SFXN5: variants seen among roughly 807,000 people sequenced by gnomAD.
SFXN5 encodes sideroflexin-5.
SFXN5 carries 43 observed loss-of-function variants against 50.2 expected under a neutral mutation model. The ratio of observed to expected loss-of-function variants is 0.86; its 90% CI spans 0.67 to 1.11. The LOEUF (loss-of-function observed/expected upper bound fraction) is 1.11. SFXN5 is among the 50% of genes least tolerant of loss of function. SFXN5 has a pLI of 0.00. For synonymous variants in SFXN5, 203 were observed against 185.8 expected (o/e 1.09, Z -0.75); for missense variants, 463 against 454.1 (o/e 1.02, Z -0.18).
At chr2:73,030,560 T>C (rs185905888) in intron 3 of SFXN5, among the ~76,000 whole-genome samples, 252 of 152,240 alleles carry the variant, frequency 1.7e-3, no homozygotes, top group Non-Finnish European at 3.0e-3. Flanking sequence ...TACATTCAAA[T>C]CGTGGGCAGC....
At chr2:72,999,313 G>T (rs1353259397) in intron 8 of SFXN5, among the ~76,000 whole-genome samples, 3 of 152,072 alleles carry the variant, frequency 2.0e-5, no homozygotes, top group African/African-American at 7.2e-5. Flanking sequence ...GGCTAACATG[G>T]ACCATTGAAG....
chr2:73,070,331 G>A (rs1025155008), intron 1 of SFXN5: 2 of 152,064 alleles, frequency 1.3e-5, no homozygotes, highest in Non-Finnish European at 2.9e-5. Flanking sequence ...AAACACTGGG[G>A]ACATTTTTTT....
At chr2:72,991,246 G>C (rs1386425459) in intron 9 of SFXN5, among the ~76,000 whole-genome samples, 2 of 152,256 alleles carry the variant, frequency 1.3e-5, no homozygotes, top group Non-Finnish European at 2.9e-5. Context: ...TAGGGAGGAA[G>C]AACGAAGAGA....
chr2:72,988,168 G>T, intron 10 of SFXN5, 90 bp downstream of exon 10: 1 of 1,184,310 alleles, frequency 8.4e-7, no homozygotes, highest in African/African-American at 1.5e-5. Context: ...GGCATCAGGA[G>T]AGGTGTGGAA....
intron 1 of SFXN5, chr2:73,059,653 T>C: frequency 1.1e-6 from 1 of 897,450 alleles, no homozygotes; most frequent in Non-Finnish European, 1.3e-6. Context: ...CTCTAACCCC[T>C]AATGCCACCC....
intron 10 of SFXN5, among the ~76,000 whole-genome samples, chr2:72,971,934 C>G (rs1276681387): frequency 6.6e-6 from 1 of 152,182 alleles, no homozygotes; most frequent in Non-Finnish European, 1.5e-5. Flanking sequence ...GTTCTGGCCT[C>G]AGAGAGCGGC....
At chr2:73,032,150 G>A (rs952029133) in intron 3 of SFXN5, among the ~76,000 whole-genome samples, 3 of 152,216 alleles carry the variant, frequency 2.0e-5, no homozygotes, top group Non-Finnish European at 4.4e-5. Context: ...GCAAACAGGT[G>A]ATGGGGGAGG....
intron 2 of SFXN5, among the ~76,000 whole-genome samples, chr2:73,047,485 C>A (rs1680658639): frequency 6.7e-6 from 1 of 150,324 alleles, no homozygotes; most frequent in African/African-American, 2.5e-5. Flanking sequence ...CAAAATCTCA[C>A]CCTAAATTAT....
chr2:72,996,156 G>A (rs1230304677), intron 9 of SFXN5, among the ~76,000 whole-genome samples: 1 of 152,210 alleles, frequency 6.6e-6, no homozygotes, highest in Non-Finnish European at 1.5e-5. Flanking sequence ...TGTGAGTGGG[G>A]AGGACAGGAG....
In SFXN5 at chr2:73,000,520, G is replaced by C. The variant is rs1673774754; in HGVS notation, c.412-33C>G. 3 of 1,550,672 alleles carry C rather than the reference G, an allele frequency of 1.9e-6. No homozygotes were observed. The Admixed American group carries it at 5.9e-5, about 30-fold the overall frequency. On this transcript the variant is annotated intron_variant, in intron 7 of 13. Transcript: ENST00000272433. The stretch of plus-strand genomic sequence containing the variant: ...GCAATGATGAGAGAAGTCAGGGAAG[G>C]AGTGGTCACCTCCCTGGAAGCCAGG...
In SFXN5 at chr2:72,988,298, G is replaced by T. The variant is rs763750596; in HGVS notation, c.585C>A (p.Thr195=). The T allele has an allele frequency of 6.2e-6, 10 of 1,613,898 alleles. No individual in the cohort carries two copies. The Admixed American group carries it at 1.7e-4, about 27-fold the overall frequency. The change falls in exon 10 of 14, where the codon ACC becomes ACA. Residue 195 remains threonine, a synonymous_variant. Coordinates refer to ENST00000272433, the MANE Select transcript of SFXN5 (RefSeq NM_144579.3). ...VQKANKFTPA[T]RLLIQRFVPF... Reference sequence around the variant, plus strand: ...GCACAAACCTCTGGATGAGAAGGCGGGTGGCTGGGGTGAACTTGTTGGCTT... The same window carrying T: ...GCACAAACCTCTGGATGAGAAGGCGTGTGGCTGGGGTGAACTTGTTGGCTT...
intron 3 of SFXN5, among the ~76,000 whole-genome samples, chr2:73,025,361 C>G (rs1183317881): frequency 6.6e-6 from 1 of 152,152 alleles, no homozygotes; most frequent in Non-Finnish European, 1.5e-5. Context: ...CAGGCAGGAA[C>G]TGGCTTTTCA....
chr2:72,971,697 G>GAT lies in SFXN5; in HGVS notation c.626-13_626-12insAT. 2 of 1,602,802 alleles carry GAT rather than the reference G, an allele frequency of 1.2e-6. No individual in the cohort carries two copies. Among genetic ancestry groups the GAT allele is most frequent in the Non-Finnish European group, 1.7e-6 (2 of 1,169,898 alleles). ...GATATTGGCACTGGCTGCAGAGAGA[G>GAT]GGGATGCAGAGAGCAGGATGAGGAG... On this transcript the variant is annotated splice_polypyrimidine_tract_variant and intron_variant, in intron 10 of 13. Coordinates refer to ENST00000272433, the MANE Select transcript of SFXN5 (RefSeq NM_144579.3).
intron 3 of SFXN5, among the ~76,000 whole-genome samples, chr2:73,027,862 A>G (rs562288366): frequency 2.6e-4 from 40 of 151,770 alleles, no homozygotes; most frequent in African/African-American, 9.2e-4. Flanking sequence ...TGGTCTCCCT[A>G]TGTTGCCCAG....
Position 73,016,650 on chromosome 2 carries a change from G to A in SFXN5, c.357+3589C>T, listed in dbSNP as rs547878652. Reference sequence around the variant, plus strand: ...AACCTGGCATCCGAGGCTGCAGTGAGCAGAGATCATGCCACTGCGCTCCAG... The same window carrying A: ...AACCTGGCATCCGAGGCTGCAGTGAACAGAGATCATGCCACTGCGCTCCAG... On this transcript the variant is annotated intron_variant, in intron 6 of 13. Transcript: ENST00000272433. Among the ~76,000 whole-genome samples the A allele has an allele frequency of 8.5e-5, 13 of 152,326 alleles. No homozygotes were observed. The East Asian group carries it at 2.1e-3, about 25-fold the overall frequency.
intron 10 of SFXN5, among the ~76,000 whole-genome samples, chr2:72,987,861 C>A (rs1325515963): frequency 6.6e-6 from 1 of 152,240 alleles, no homozygotes; most frequent in Non-Finnish European, 1.5e-5. Flanking sequence ...ATGAAAACAT[C>A]TGTGATTTCT....
intron 9 of SFXN5, among the ~76,000 whole-genome samples, chr2:72,991,194 G>A (rs890674415): frequency 1.3e-5 from 2 of 152,188 alleles, no homozygotes; most frequent in African/African-American, 4.8e-5. Flanking sequence ...CTCCCTGGTC[G>A]GCCATTCTTC....
chr2:72,988,567 T>C (rs971332443), intron 9 of SFXN5, among the ~76,000 whole-genome samples: 2 of 151,528 alleles, frequency 1.3e-5, no homozygotes, highest in Admixed American at 6.6e-5. Flanking sequence ...AACTGGCCCA[T>C]GAGAAAGAGG....
intron 13 of SFXN5, among the ~76,000 whole-genome samples, chr2:72,952,326 G>A (rs1354074786): frequency 6.6e-6 from 1 of 152,204 alleles, no homozygotes; most frequent in East Asian, 1.9e-4. Context: ...CATTGCTGCT[G>A]CCTCTGTGTC....
Sources: gnomAD v4.1 joint callset for allele counts (sites outside exome capture counted in the v4.1 genomes callset) on GRCh38, gnomAD v4.1.1 for gene constraint, MANE v1.5 for transcripts, NCBI Gene and HGNC (gene_info 2026-07-23, HGNC 2026-07-21) for gene names.